Variants in PLCB1 observed in about 807,000 individuals in gnomAD.
PLCB1 encodes 1-phosphatidylinositol 4,5-bisphosphate phosphodiesterase beta-1.
A neutral mutation model predicts 161.8 loss-of-function variants in PLCB1; 46 were observed. The ratio of observed to expected loss-of-function variants is 0.28; its 90% CI spans 0.22 to 0.36. PLCB1 has a LOEUF of 0.36. PLCB1 is among the 10% of genes least tolerant of loss of function. The pLI is 1.00. For synonymous variants in PLCB1, 517 were observed against 503.7 expected (o/e 1.03, Z -0.35); for missense variants, 1,016 against 1,472.5 (o/e 0.69, Z 5.07).
At chr20:8,294,625 A>G (rs545835960) in intron 2 of PLCB1, among the ~76,000 whole-genome samples, 10 of 150,738 alleles carry the variant, frequency 6.6e-5, no homozygotes, top group African/African-American at 2.4e-4. Flanking sequence ...TAATCTTCCA[A>G]CTAGCAGAGC....
chr20:8,461,403 C>G (rs560907332), intron 3 of PLCB1, among the ~76,000 whole-genome samples: 3 of 152,156 alleles, frequency 2.0e-5, no homozygotes, highest in Admixed American at 6.5e-5. Context: ...TGACAAGTCA[C>G]TTAATCCCTC....
At chr20:8,391,801 A>ATG in intron 3 of PLCB1, among the ~76,000 whole-genome samples, 1 of 136,648 alleles carries the variant, frequency 7.3e-6, no homozygotes, top group Admixed American at 7.3e-5. Flanking sequence ...ATATATATAT[A>ATG]TATATATATA....
At chr20:8,676,559 A>G (rs992592166) in intron 9 of PLCB1, among the ~76,000 whole-genome samples, 3 of 152,204 alleles carry the variant, frequency 2.0e-5, no homozygotes, top group African/African-American at 4.8e-5. Context: ...CCTTCACTCT[A>G]TCCTGGCAAG....
intron 2 of PLCB1, among the ~76,000 whole-genome samples, chr20:8,155,665 C>T (rs2051551511): frequency 6.6e-6 from 1 of 152,080 alleles, no homozygotes; most frequent in South Asian, 2.1e-4. Context: ...AGCAGTGGGG[C>T]TTTCTCTTTG....
At chr20:8,711,939 G>A (rs958394038) in intron 12 of PLCB1, among the ~76,000 whole-genome samples, 1 of 152,150 alleles carries the variant, frequency 6.6e-6, no homozygotes, top group Non-Finnish European at 1.5e-5. Context: ...TGCATGTATG[G>A]AATTTCAGAT....
intron 3 of PLCB1, among the ~76,000 whole-genome samples, chr20:8,471,038 G>A (rs1360469294): frequency 6.6e-6 from 1 of 152,082 alleles, no homozygotes; most frequent in Non-Finnish European, 1.5e-5. Context: ...TTATGAACAG[G>A]TTAATATTTG....
intron 2 of PLCB1, among the ~76,000 whole-genome samples, chr20:8,170,813 C>T (rs182675864): frequency 5.9e-5 from 9 of 152,104 alleles, no homozygotes; most frequent in African/African-American, 2.2e-4. Context: ...CAAACACAGG[C>T]GGTTTCTCAT....
At chr20:8,766,812 G>C (rs942485242) in intron 26 of PLCB1, among the ~76,000 whole-genome samples, 1 of 152,154 alleles carries the variant, frequency 6.6e-6, no homozygotes, top group Non-Finnish European at 1.5e-5. Flanking sequence ...AGCAGCACCA[G>C]GTGATGCTGA....
chr20:8,174,928 G>A (rs2051767341), intron 2 of PLCB1, among the ~76,000 whole-genome samples: 1 of 151,868 alleles, frequency 6.6e-6, no homozygotes, highest in African/African-American at 2.4e-5. Context: ...AAAAAGATGG[G>A]TGTGGTGACA....
At chr20:8,358,716 G>C (rs1168086448) in intron 2 of PLCB1, among the ~76,000 whole-genome samples, 2 of 152,100 alleles carry the variant, frequency 1.3e-5, no homozygotes, top group Non-Finnish European at 2.9e-5. Context: ...CCAATAACCT[G>C]TTTCATTTAT....
intron 3 of PLCB1, among the ~76,000 whole-genome samples, chr20:8,558,441 C>T (rs1333793577): frequency 1.3e-5 from 2 of 151,634 alleles, no homozygotes; most frequent in Admixed American, 1.3e-4. Context: ...ACCCAAGAGA[C>T]CTGTGAGACA....
chr20:8,847,846 T>C (rs147129214), intron 31 of PLCB1, among the ~76,000 whole-genome samples: 1 of 152,336 alleles, frequency 6.6e-6, no homozygotes, highest in African/African-American at 2.4e-5. Context: ...TAGGGTATCG[T>C]AGTCTGCTTT....
Position 8,859,118 on chromosome 20 carries a change from C to T in PLCB1, c.3424-22504C>T, listed in dbSNP as rs552067695. 5.4e-4 allele frequency among the ~76,000 whole-genome samples: 82 copies of T among 152,184 alleles called. 1 individual carries two copies. Among genetic ancestry groups the T allele is most frequent in the Admixed American group, 2.9e-3 (45 of 15,286 alleles). ...GCTGGTCCCTCTTCCTCAAGGTTTC[C>T]GCTTTGGAAGTAGGGACTGATTCTT... is the stretch of plus-strand genomic sequence containing the variant. On this transcript the variant is annotated intron_variant, in intron 31 of 31. Transcript: ENST00000338037.
Position 8,662,343 on chromosome 20 carries a change from A to ACG in PLCB1, c.862+3639_862+3640insCG, listed in dbSNP as rs1568551451. On this transcript the variant is annotated intron_variant, in intron 9 of 31. Coordinates refer to ENST00000338037, the MANE Select transcript of PLCB1 (RefSeq NM_015192.4). ...ATATGTAATTATTTATTATATAATT[A>ACG]TGTATAATATGTAATTATTTATTAT... Among the ~76,000 whole-genome samples, 10 of 121,182 alleles carry ACG rather than the reference A, an allele frequency of 8.3e-5. 1 individual carries two copies. Among genetic ancestry groups the ACG allele is most frequent in the African/African-American group, 3.3e-4 (10 of 30,060 alleles). 79.5% of individuals were successfully genotyped at this position (121,182 alleles called of 152,430 possible). A position where few individuals can be genotyped will look rare whatever the true frequency, so the allele number is the denominator to read the frequency against.
chr20:8,651,581 C>T, intron 7 of PLCB1: 1 of 700,112 alleles, frequency 1.4e-6, no homozygotes, highest in East Asian at 2.7e-5. Flanking sequence ...AAGGTCCTGT[C>T]CCCGACTTCA....
At position 8,132,283 on chromosome 20, in the gene PLCB1, G is replaced by C; in HGVS notation, c.-369G>C. ...CGTGTGTCACTCGCTCTCTCCCTCT[G>C]TGTATAGAGGATGTGCTGAATGGTG... On this transcript the variant is annotated 5_prime_UTR_variant, in exon 1 of 32. Coordinates refer to ENST00000338037, the MANE Select transcript of PLCB1 (RefSeq NM_015192.4). This position sits in a 1 kb window ranked among gnomAD's most constrained non-coding sequence, Gnocchi z 5.2. The C allele has an allele frequency of 5.9e-6, 1 of 168,868 alleles. No homozygotes were observed. Among genetic ancestry groups the C allele is most frequent in the African/African-American group, 2.4e-5 (1 of 42,244 alleles). The allele number at this position is 168,868 out of a possible 1,614,324, so 10.5% of individuals were successfully genotyped here.
intron 2 of PLCB1, 187 bp from the exon 3 acceptor site, chr20:8,371,195 G>A (rs770967749): frequency 3.0e-5 from 16 of 539,450 alleles, no homozygotes; most frequent in Non-Finnish European, 4.9e-5. Flanking sequence ...TGAGCAGTTA[G>A]CAGTTAGCTG....
At chr20:8,650,045 C>G (rs6055976) in intron 7 of PLCB1, 1 of 151,740 alleles carries the variant, frequency 6.6e-6, no homozygotes, top group East Asian at 1.9e-4. Flanking sequence ...ATGACCCTTG[C>G]TTTTTGTAGA....
intron 2 of PLCB1, among the ~76,000 whole-genome samples, chr20:8,199,099 G>A (rs1400761418): frequency 6.6e-6 from 1 of 151,974 alleles, no homozygotes; most frequent in Admixed American, 6.6e-5. Context: ...GTGTGTGTGT[G>A]TATAGTGTAT....
Sources: allele counts gnomAD v4.1 joint callset (sites outside exome capture counted in the v4.1 genomes callset), GRCh38; gene constraint gnomAD v4.1.1; non-coding constraint Gnocchi (gnomAD v3.1); transcripts MANE v1.5; gene names NCBI Gene and HGNC (gene_info 2026-07-23, HGNC 2026-07-21).